NUP133: variants seen among roughly 807,000 people sequenced by gnomAD.
The protein encoded by NUP133 is nuclear pore complex protein Nup133.
Under a neutral mutation model 146.2 loss-of-function variants are expected in NUP133, and 66 were observed. That is an observed-to-expected ratio of 0.45 (90% confidence interval 0.37 to 0.55). NUP133 has a LOEUF of 0.55. Among genes scored for constraint, NUP133 ranks in the 20% least tolerant of loss-of-function variants. The pLI, the probability that NUP133 is intolerant of heterozygous loss-of-function variation, is 0.00. For synonymous variants in NUP133, 521 were observed against 498.8 expected (o/e 1.04, Z -0.59); for missense variants, 1,277 against 1,374.8 (o/e 0.93, Z 1.12).
chr1:229,478,638 C>A (rs185194786), intron 12 of NUP133, among the ~76,000 whole-genome samples: 100 of 152,260 alleles, frequency 6.6e-4, no homozygotes, highest in African/African-American at 2.4e-3. Context: ...GCAGACTCTT[C>A]TAACTTAGAG....
At chr1:229,507,975 C>T (rs1042641172) in intron 1 of NUP133, 93 bp downstream of exon 1, 1 of 1,315,702 alleles carries the variant, frequency 7.6e-7, no homozygotes, top group Non-Finnish European at 9.8e-7. Context: ...TCCGCCGCCC[C>T]GGTTCCAAAG....
intron 15 of NUP133, among the ~76,000 whole-genome samples, chr1:229,469,431 CT>C (rs1347114804): frequency 6.6e-6 from 1 of 152,180 alleles, no homozygotes; most frequent in Non-Finnish European, 1.5e-5. Flanking sequence ...GAAAATAAAT[CT>C]GATTCTACAA....
chr1:229,470,176 T>C (rs1660921465), intron 15 of NUP133, among the ~76,000 whole-genome samples: 1 of 147,884 alleles, frequency 6.8e-6, no homozygotes, highest in African/African-American at 2.5e-5. Flanking sequence ...CCATCTCTAC[T>C]AAAAATATGA....
rs758674963 is a variant in NUP133 at position 229,495,887 on chromosome 1, C to T, written c.975+5G>A. On this transcript the variant is annotated splice_donor_5th_base_variant and intron_variant, in intron 7 of 25. Transcript: ENST00000261396. ...ATTACAGAGATGAATATTATTGTTT[C>T]TTACCCAAATAGCATCGGTAATGTT... 1.3e-6 allele frequency: 2 copies of T among 1,578,564 alleles called. No individual in the cohort carries two copies. Among genetic ancestry groups the T allele is most frequent in the East Asian group, 2.2e-5 (1 of 44,490 alleles).
intron 8 of NUP133, among the ~76,000 whole-genome samples, chr1:229,491,233 A>C (rs1020630083): frequency 6.6e-6 from 1 of 152,256 alleles, no homozygotes; most frequent in Non-Finnish European, 1.5e-5. Flanking sequence ...TAAAGACTAC[A>C]TGGCCGCCAA....
chr1:229,466,993 G>C (rs1055653410), intron 15 of NUP133, among the ~76,000 whole-genome samples: 1 of 93,218 alleles, frequency 1.1e-5, no homozygotes, highest in African/African-American at 4.9e-5. Context: ...TTGTTACTGA[G>C]ATTTTTAAGC....
rs1327068053 is a variant in NUP133, at chr1:229,484,158, A to C, written c.1501-13T>G. On this transcript the variant is annotated splice_polypyrimidine_tract_variant and intron_variant, in intron 11 of 25. Coordinates refer to ENST00000261396, the MANE Select transcript of NUP133 (RefSeq NM_018230.3). ...CAAAAATCATACTCTGCAAAATAACAAAGTATAGTTTAGAGGTAAAGGCAT... is the reference window on the plus strand; with the variant it reads ...CAAAAATCATACTCTGCAAAATAACCAAGTATAGTTTAGAGGTAAAGGCAT... 6.3e-7 allele frequency: 1 copy of C among 1,588,516 alleles called. No individual in the cohort carries two copies. Among genetic ancestry groups the C allele is most frequent in the African/African-American group, 1.3e-5 (1 of 74,356 alleles).
At chr1:229,479,528 ACATATCC>A (rs1661158679) in intron 12 of NUP133, among the ~76,000 whole-genome samples, 1 of 152,182 alleles carries the variant, frequency 6.6e-6, no homozygotes, top group Non-Finnish European at 1.5e-5. Flanking sequence ...GGGTCTTAAG[ACATATCC>A]CCCTGTGGGT....
intron 8 of NUP133, among the ~76,000 whole-genome samples, chr1:229,494,173 C>A (rs1661594045): frequency 6.6e-6 from 1 of 152,068 alleles, no homozygotes; most frequent in African/African-American, 2.4e-5. Flanking sequence ...GTATTATATG[C>A]CCATAGTGGG....
chr1:229,465,876 G>A (rs1571916160), intron 16 of NUP133, among the ~76,000 whole-genome samples: 3 of 140,056 alleles, frequency 2.1e-5, no homozygotes, highest in African/African-American at 8.2e-5. Context: ...GGGCAATGGA[G>A]TGAGACCATG....
At position 229,465,464 on chromosome 1, in the gene NUP133, C is replaced by T. The variant is rs1660790533; in HGVS notation, c.2255G>A (p.Arg752Lys). The T allele has an allele frequency of 5.0e-6, 8 of 1,613,920 alleles. No individual in the cohort carries two copies. Among genetic ancestry groups the T allele is most frequent in the African/African-American group, 1.3e-5 (1 of 75,036 alleles). ...AGGTTCTTTTTCTAGTGATTCTTCT[C>T]TTCTATACAAAGAGTTTCTATTTTG... Reference protein sequence around the residue: ...YRQNRNSLYRREESLEKEPEY... With the variant: ...YRQNRNSLYRKEESLEKEPEY... Residue 752 changes from arginine to lysine, a missense_variant, in exon 17 of 26, where the codon AGA becomes AAA. By Grantham distance (26) the Arg-to-Lys change is conservative. Transcript: ENST00000261396.
intron 2 of NUP133, among the ~76,000 whole-genome samples, chr1:229,504,051 T>C (rs1280898303): frequency 2.6e-5 from 4 of 152,136 alleles, no homozygotes; most frequent in African/African-American, 9.7e-5. Flanking sequence ...TGAAAACAAC[T>C]ATCCCTAAAG....
chr1:229,465,333 C>G (rs763696422), intron 17 of NUP133, 87 bp downstream of exon 17: 5 of 1,041,652 alleles, frequency 4.8e-6, no homozygotes, highest in African/African-American at 1.6e-5. Context: ...CACTTACAAA[C>G]CTACGCTAGG....
chr1:229,485,248 C>T (rs1023796925), intron 11 of NUP133, among the ~76,000 whole-genome samples: 1 of 152,140 alleles, frequency 6.6e-6, no homozygotes, highest in Non-Finnish European at 1.5e-5. Flanking sequence ...TGGGAAATGG[C>T]CCCGCTGACA....
intron 24 of NUP133, among the ~76,000 whole-genome samples, chr1:229,448,584 G>GC (rs910261285): frequency 1.3e-5 from 2 of 152,108 alleles, no homozygotes; most frequent in African/African-American, 4.8e-5. Flanking sequence ...AGCAGCCCAC[G>GC]CCGCTGCTCT....
chr1:229,449,069 G>C lies in NUP133; in HGVS notation c.3245+57C>G, dbSNP rs1033301623. ...TCTGTTATTGACTGTCATGTGGTGA[G>C]AGCAGAGGAAAAGCAGTTTCTATAC... On this transcript the variant is annotated intron_variant, in intron 24 of 25. Coordinates refer to ENST00000261396, the MANE Select transcript of NUP133 (RefSeq NM_018230.3). The C allele has an allele frequency of 1.4e-5, 18 of 1,276,708 alleles. No homozygotes were observed. The African/African-American group carries it at 2.0e-4, about 15-fold the overall frequency. 79.1% of individuals were successfully genotyped at this position (1,276,708 alleles called of 1,614,324 possible). A position where few individuals can be genotyped will look rare whatever the true frequency, so the allele number is the denominator to read the frequency against.
intron 24 of NUP133, 143 bp downstream of exon 24, chr1:229,448,983 A>C (rs1660379061): frequency 3.0e-6 from 2 of 669,596 alleles, no homozygotes; most frequent in South Asian, 1.7e-5. Flanking sequence ...CCACCAACAG[A>C]ACTCACTGGT....
intron 10 of NUP133, among the ~76,000 whole-genome samples, chr1:229,486,798 A>T (rs1207633078): frequency 6.6e-6 from 1 of 152,142 alleles, no homozygotes; most frequent in Non-Finnish European, 1.5e-5. Context: ...AGTAAGCCAA[A>T]AAAGAAAATT....
rs1427862284 is a variant in NUP133, at chr1:229,508,243, G to C, written c.7C>G (p.Pro3Ala). The change falls in exon 1 of 26, where the codon CCA becomes GCA. Residue 3 changes from proline (P) to alanine (A), a missense_variant. Physicochemically the swap from Pro to Ala is conservative, Grantham distance 27. Coordinates refer to ENST00000261396, the MANE Select transcript of NUP133 (RefSeq NM_018230.3). MFPAAPSPRTPGT... is the reference protein window; with the variant it reads MFAAAPSPRTPGT... ...GGGGTCCGCGGAGAAGGGGCGGCTG[G>C]GAACATGACTCCAAGGAGCAGCGAC... The C allele has an allele frequency of 6.5e-7, 1 of 1,528,524 alleles. No individual in the cohort carries two copies. Among genetic ancestry groups the C allele is most frequent in the Non-Finnish European group, 8.8e-7 (1 of 1,139,530 alleles). 94.7% of individuals were successfully genotyped at this position (1,528,524 alleles called of 1,614,324 possible). A position where few individuals can be genotyped will look rare whatever the true frequency, so the allele number is the denominator to read the frequency against.
Sources: gnomAD v4.1 joint callset for allele counts (sites outside exome capture counted in the v4.1 genomes callset) on GRCh38, gnomAD v4.1.1 for gene constraint, MANE v1.5 for transcripts, NCBI Gene and HGNC (gene_info 2026-07-23, HGNC 2026-07-21) for gene names.